Variants in CNTN1 observed in about 807,000 individuals in gnomAD.
CNTN1 encodes contactin 1, also known as contactin-1.
Under a neutral mutation model 126.4 loss-of-function variants are expected in CNTN1, and 38 were observed. The observed-to-expected ratio is 0.30, with a 90% CI of 0.23 to 0.39. The LOEUF (loss-of-function observed/expected upper bound fraction) is 0.39, where lower values mean the gene tolerates loss of function less well. Ranked by LOEUF, CNTN1 falls within the 10% of genes least tolerant of loss-of-function variation. The pLI, the probability that CNTN1 is intolerant of heterozygous loss-of-function variation, is 1.00. For synonymous variants in CNTN1, 413 were observed against 422.6 expected (o/e 0.98, Z 0.28); for missense variants, 1,009 against 1,248.4 (o/e 0.81, Z 2.89).
chr12:40,802,540 A>G (rs373571640), intron 1 of CNTN1, among the ~76,000 whole-genome samples: 2 of 152,016 alleles, frequency 1.3e-5, no homozygotes, highest in Non-Finnish European at 2.9e-5. Context: ...TCTTTTTTAC[A>G]TTATTAACTG....
chr12:40,806,899 A>T (rs1940881741), intron 1 of CNTN1, among the ~76,000 whole-genome samples: 1 of 152,094 alleles, frequency 6.6e-6, no homozygotes, highest in African/African-American at 2.4e-5. Context: ...AAACAATAAA[A>T]TCATTATTTT....
At chr12:40,949,659 A>G (rs986341856) in intron 14 of CNTN1, among the ~76,000 whole-genome samples, 7 of 130,848 alleles carry the variant, frequency 5.3e-5, no homozygotes, top group Non-Finnish European at 6.2e-5. Context: ...GCTCACTGCA[A>G]CCTCTCCCAG....
chr12:40,693,544 GC>G (rs1245278961), intron 1 of CNTN1, among the ~76,000 whole-genome samples: 2 of 152,224 alleles, frequency 1.3e-5, no homozygotes, highest in Non-Finnish European at 2.9e-5. Flanking sequence ...ATGACACCCT[GC>G]TTTGAAAATT....
chr12:40,820,772 A>G (rs1941418604), intron 1 of CNTN1, among the ~76,000 whole-genome samples: 1 of 152,182 alleles, frequency 6.6e-6, no homozygotes, highest in African/African-American at 2.4e-5. Flanking sequence ...ATGCATGGCT[A>G]ATACTGATAG....
At chr12:41,050,663 C>CT (rs1343754310) in intron 23 of CNTN1, among the ~76,000 whole-genome samples, 1 of 152,138 alleles carries the variant, frequency 6.6e-6, no homozygotes, top group Non-Finnish European at 1.5e-5. Context: ...GGTATGTTCT[C>CT]TTTTTGCATA....
rs550266993 is a variant in CNTN1 at position 40,991,516 on chromosome 12, T to C, written c.1964-1604T>C. Among the ~76,000 whole-genome samples, 21 of 152,228 alleles carry C rather than the reference T, an allele frequency of 1.4e-4. 1 individual carries two copies. The South Asian group carries it at 4.4e-3, about 32-fold the overall frequency. The stretch of plus-strand genomic sequence containing the variant: ...TGTTTTCTATAAGGGGTTAAAATCA[T>C]TGAAAAGTGTCCAGTAAAAAAGGGC... On this transcript the variant is annotated intron_variant, in intron 16 of 23. Transcript: ENST00000551295.
At chr12:40,704,119 G>C (rs1941673557) in intron 1 of CNTN1, among the ~76,000 whole-genome samples, 1 of 151,868 alleles carries the variant, frequency 6.6e-6, no homozygotes, top group Non-Finnish European at 1.5e-5. Context: ...GAAAAAGAAA[G>C]TTTCTTTAAA....
chr12:40,849,353 AG>A lies in CNTN1; in HGVS notation c.-76-59003del, dbSNP rs1468148293. Among the ~76,000 whole-genome samples, 7 of 152,262 alleles carry A rather than the reference AG, an allele frequency of 4.6e-5. No individual in the cohort carries two copies. In the East Asian group the frequency reaches 7.7e-4, roughly 17 times the overall value. On this transcript the variant is annotated intron_variant, in intron 1 of 23. Transcript: ENST00000551295. The stretch of plus-strand genomic sequence containing the variant: ...TTTTATTTGATTAATATATATGTAA[AG>A]TTAGTCATTCAGGGAAAGTAAAACA...
chr12:41,024,985 G>A (rs545917863), intron 20 of CNTN1, among the ~76,000 whole-genome samples, 165 bp from the exon 21 acceptor site: 2 of 152,104 alleles, frequency 1.3e-5, no homozygotes, highest in African/African-American at 4.8e-5. Context: ...TGCCCTGTAT[G>A]CTTTACTATA....
rs1938319650 is a variant in CNTN1, at chr12:40,749,576, T to C, written c.-77+56984T>C. Among the ~76,000 whole-genome samples, 2 of 96,508 alleles carry C rather than the reference T, an allele frequency of 2.1e-5. 1 individual carries two copies. Among genetic ancestry groups the C allele is most frequent in the African/African-American group, 7.5e-5 (2 of 26,824 alleles). 63.3% of individuals were successfully genotyped at this position (96,508 alleles called of 152,430 possible). ...CATAAAGAAAATGAGGAACTATCTATACAATGGTAATAGTAGTAGTTACAT... is the reference window on the plus strand; with the variant it reads ...CATAAAGAAAATGAGGAACTATCTACACAATGGTAATAGTAGTAGTTACAT... On this transcript the variant is annotated intron_variant, in intron 1 of 23. Coordinates refer to ENST00000551295, the MANE Select transcript of CNTN1 (RefSeq NM_001843.4).
intron 1 of CNTN1, among the ~76,000 whole-genome samples, chr12:40,861,872 G>T (rs950521780): frequency 6.6e-6 from 1 of 151,834 alleles, no homozygotes; most frequent in Admixed American, 6.6e-5. Flanking sequence ...GTCATACATG[G>T]CATTTTTACT....
chr12:40,975,661 AAG>A (rs1350388496), intron 15 of CNTN1, among the ~76,000 whole-genome samples: 1 of 152,190 alleles, frequency 6.6e-6, no homozygotes, highest in African/African-American at 2.4e-5. Context: ...CAAGAATAGT[AAG>A]AGAGGGGGTC....
chr12:40,907,827 T>C (rs1417716889), intron 1 of CNTN1, among the ~76,000 whole-genome samples: 1 of 152,194 alleles, frequency 6.6e-6, no homozygotes, highest in Non-Finnish European at 1.5e-5. Flanking sequence ...AATTAGCATG[T>C]CTGGCAAAAA....
intron 3 of CNTN1, among the ~76,000 whole-genome samples, chr12:40,911,350 G>T (rs1427983936): frequency 6.6e-6 from 1 of 152,142 alleles, no homozygotes; most frequent in Non-Finnish European, 1.5e-5. Context: ...AAAGAGCTAG[G>T]ATTACAGGCG....
intron 17 of CNTN1, among the ~76,000 whole-genome samples, chr12:41,003,370 T>A (rs1277747884): frequency 5.3e-5 from 8 of 152,160 alleles, no homozygotes; most frequent in Non-Finnish European, 1.2e-4. Context: ...GAGGATTTTT[T>A]CGTTGATGTT....
chr12:40,797,150 A>G (rs1940469000), intron 1 of CNTN1, among the ~76,000 whole-genome samples: 1 of 152,090 alleles, frequency 6.6e-6, no homozygotes, highest in South Asian at 2.1e-4. Context: ...TAGCAGAGAT[A>G]TGAGGGTAAG....
intron 12 of CNTN1, among the ~76,000 whole-genome samples, chr12:40,940,076 GT>G (rs1946213656): frequency 6.6e-6 from 1 of 152,070 alleles, no homozygotes; most frequent in African/African-American, 2.4e-5. Context: ...ACACTGAATA[GT>G]TTATATGTAT....
In CNTN1 at chr12:40,993,227, G is replaced by C; in HGVS notation, c.2071G>C (p.Glu691Gln). ...AGCAACCAATACACTGGGTAGAGGAGAGCCCAGTATACCATCTAACAGAAT... is the reference window on the plus strand; with the variant it reads ...AGCAACCAATACACTGGGTAGAGGACAGCCCAGTATACCATCTAACAGAAT... ...VVATNTLGRG[E>Q]PSIPSNRIKT... is the part of the protein sequence containing the mutation. Residue 691 changes from glutamate (E) to glutamine (Q), a missense_variant, in exon 17 of 24, where the codon GAG becomes CAG. By Grantham distance (29) the Glu-to-Gln change is conservative. Transcript: ENST00000551295. 6.2e-7 allele frequency: 1 copy of C among 1,613,778 alleles called. No individual in the cohort carries two copies. Among genetic ancestry groups the C allele is most frequent in the Non-Finnish European group, 8.5e-7 (1 of 1,179,726 alleles).
rs112047373 is a variant in CNTN1 at position 41,024,988 on chromosome 12, T to G, written c.2524-162T>G. ...TTTAGTCATTCCTGCCCTGTATGCT[T>G]TACTATATTCTAAGGCTGATAAAAG... On this transcript the variant is annotated intron_variant, in intron 20 of 23. Transcript: ENST00000551295. Among the ~76,000 whole-genome samples, 601 of 152,276 alleles carry G rather than the reference T, an allele frequency of 3.9e-3. 7 individuals are homozygous for G. The highest frequency in any genetic ancestry group is 0.014 in the African/African-American group (579 of 41,564).
Sources: allele counts gnomAD v4.1 joint callset (sites outside exome capture counted in the v4.1 genomes callset), GRCh38; gene constraint gnomAD v4.1.1; transcripts MANE v1.5; gene names NCBI Gene and HGNC (gene_info 2026-07-23, HGNC 2026-07-21).